Variants in CTNND2 observed in about 807,000 individuals in gnomAD.
CTNND2 encodes the protein catenin delta 2, also known as catenin delta-2.
CTNND2 carries 22 observed loss-of-function variants against 144.4 expected under a neutral mutation model. The ratio of observed to expected loss-of-function variants is 0.15; its 90% confidence interval spans 0.11 to 0.22. The LOEUF (loss-of-function observed/expected upper bound fraction) is 0.22, where lower values mean the gene tolerates loss of function less well. Ranked by LOEUF, CTNND2 falls within the 10% of genes least tolerant of loss-of-function variation. The pLI is 1.00. For missense variants in CTNND2, 1,353 were observed against 1,618.8 expected, an observed-to-expected ratio of 0.84 and a Z score of 2.82; for synonymous variants, 751 against 695.6, an observed-to-expected ratio of 1.08 and a Z score of -1.25.
At chr5:11,102,795 G>A (rs1422635315) in intron 14 of CTNND2, among the ~76,000 whole-genome samples, 1 of 152,036 alleles carries the variant, frequency 6.6e-6, no homozygotes, top group African/African-American at 2.4e-5. Flanking sequence ...GTCACCATCG[G>A]CACAGAGCAT....
chr5:11,157,518 G>C (rs911765913), intron 12 of CTNND2, among the ~76,000 whole-genome samples: 1 of 152,200 alleles, frequency 6.6e-6, no homozygotes, highest in African/African-American at 2.4e-5. Flanking sequence ...CTGCAGGGCA[G>C]AGTCTGCCCT....
chr5:11,809,004 A>G (rs35647514), intron 1 of CTNND2, among the ~76,000 whole-genome samples: 3,552 of 152,302 alleles, frequency 0.023, 67 homozygotes, highest in Non-Finnish European at 0.037. Flanking sequence ...AGATACTTCA[A>G]TATGGGCATA....
chr5:11,067,153 A>G (rs1420167875), intron 16 of CTNND2, among the ~76,000 whole-genome samples: 1 of 152,196 alleles, frequency 6.6e-6, no homozygotes, highest in Non-Finnish European at 1.5e-5. Context: ...CATCCCCTCT[A>G]TATATCAAAG....
intron 6 of CTNND2, 37 bp downstream of exon 6, chr5:11,396,987 GTCCCCTT>G: frequency 1.3e-6 from 2 of 1,553,960 alleles, no homozygotes; most frequent in South Asian, 2.4e-5. Context: ...TTCCCCACCT[GTCCCCTT>G]GGAGTCCACT....
At chr5:10,986,817 C>G (rs1738020885) in intron 20 of CTNND2, 1 of 363,144 alleles carries the variant, frequency 2.8e-6, no homozygotes, top group African/African-American at 2.2e-5. Flanking sequence ...ACGGAAAACA[C>G]TGCCGCTGGG....
chr5:11,714,671 C>T (rs1405582754), intron 2 of CTNND2, among the ~76,000 whole-genome samples: 1 of 151,990 alleles, frequency 6.6e-6, no homozygotes, highest in Non-Finnish European at 1.5e-5. Flanking sequence ...CTTTGGGAGG[C>T]CGAGGCGGGC....
chr5:11,308,916 G>C (rs181746163), intron 9 of CTNND2, among the ~76,000 whole-genome samples: 20 of 152,286 alleles, frequency 1.3e-4, no homozygotes, highest in African/African-American at 4.8e-4. Flanking sequence ...GGGGAAGCAG[G>C]CACGTCTTAC....
chr5:11,801,657 T>C (rs1368708290), intron 1 of CTNND2, among the ~76,000 whole-genome samples: 1 of 152,180 alleles, frequency 6.6e-6, no homozygotes, highest in African/African-American at 2.4e-5. Context: ...TATGCTTATA[T>C]GCCCTTAGTT....
At chr5:11,560,399 T>C (rs983571656) in intron 3 of CTNND2, among the ~76,000 whole-genome samples, 2 of 152,200 alleles carry the variant, frequency 1.3e-5, no homozygotes, top group African/African-American at 4.8e-5. Flanking sequence ...GAGATGTTCA[T>C]AAGAGTGGTC....
intron 2 of CTNND2, among the ~76,000 whole-genome samples, chr5:11,690,025 T>C (rs1376638582): frequency 6.6e-6 from 1 of 152,246 alleles, no homozygotes; most frequent in Non-Finnish European, 1.5e-5. Context: ...ATCTATCTTG[T>C]TCTTTCAAAA....
chr5:11,760,400 T>C (rs1426745547), intron 1 of CTNND2, among the ~76,000 whole-genome samples: 1 of 152,150 alleles, frequency 6.6e-6, no homozygotes, highest in Admixed American at 6.6e-5. Context: ...CTAAACCCAT[T>C]CATTTCAATT....
chr5:11,742,230 T>C (rs1253157260), intron 1 of CTNND2, among the ~76,000 whole-genome samples: 1 of 152,142 alleles, frequency 6.6e-6, no homozygotes, highest in Non-Finnish European at 1.5e-5. Flanking sequence ...CTTCTAAACA[T>C]TGCTTGTCAA....
At chr5:11,880,408 CAAG>C (rs1735948930) in intron 1 of CTNND2, among the ~76,000 whole-genome samples, 1 of 151,582 alleles carries the variant, frequency 6.6e-6, no homozygotes, top group Admixed American at 6.6e-5. Context: ...GTTAATAAGT[CAAG>C]AAGAAGGCCT....
chr5:11,408,080 T>C (rs1761233362), intron 5 of CTNND2, among the ~76,000 whole-genome samples: 1 of 152,100 alleles, frequency 6.6e-6, no homozygotes, highest in Non-Finnish European at 1.5e-5. Flanking sequence ...GGATAGTTCC[T>C]TGATTTCCCT....
chr5:11,487,893 A>T lies in CTNND2; in HGVS notation c.288-75824T>A, dbSNP rs1299909210. 9.2e-5 allele frequency among the ~76,000 whole-genome samples: 14 copies of T among 152,198 alleles called. No individual in the cohort carries two copies. The East Asian group carries it at 2.5e-3, about 27-fold the overall frequency. On this transcript the variant is annotated intron_variant, in intron 3 of 21. Transcript: ENST00000304623. ...ATCAGTGGCTTTTTTTTGGTCCCAGAGATCTAGTTGTTAAACATTTTCCAG... is the reference window on the plus strand; with the variant it reads ...ATCAGTGGCTTTTTTTTGGTCCCAGTGATCTAGTTGTTAAACATTTTCCAG...
chr5:11,639,466 A>G (rs1343026860), intron 2 of CTNND2, among the ~76,000 whole-genome samples: 1 of 152,206 alleles, frequency 6.6e-6, no homozygotes. Flanking sequence ...ATTCTTACAT[A>G]TTCTAAAAGA....
chr5:11,818,174 A>G (rs1793116746), intron 1 of CTNND2, among the ~76,000 whole-genome samples: 1 of 152,046 alleles, frequency 6.6e-6, no homozygotes, highest in South Asian at 2.1e-4. Context: ...CACAGATGGA[A>G]AAAAGGACAT....
intron 10 of CTNND2, among the ~76,000 whole-genome samples, chr5:11,230,287 C>T (rs1447328655): frequency 6.7e-6 from 1 of 150,158 alleles, no homozygotes; most frequent in Non-Finnish European, 1.5e-5. Context: ...TTAGTGGGTG[C>T]AGCGCACCAG....
rs1304890717 is a variant in CTNND2 at position 11,645,333 on chromosome 5, A to G, written c.175-80277T>C. Among the ~76,000 whole-genome samples the G allele has an allele frequency of 6.6e-5, 10 of 152,138 alleles. No homozygotes were observed. In the East Asian group the frequency reaches 1.9e-3, roughly 29 times the overall value. On this transcript the variant is annotated intron_variant, in intron 2 of 21. Transcript: ENST00000304623. ...TTCCCTCCCCCACATTTATTATATT[A>G]TGACTCAACAGAATGTGAAACAGGT...
Sources: allele counts gnomAD v4.1 joint callset (sites outside exome capture counted in the v4.1 genomes callset), GRCh38; gene constraint gnomAD v4.1.1; transcripts MANE v1.5; gene names NCBI Gene and HGNC (gene_info 2026-07-23, HGNC 2026-07-21).